Variants in ANKRD11 observed in about 807,000 individuals in gnomAD.
The protein encoded by ANKRD11 is ankyrin repeat domain-containing protein 11.
A neutral mutation model predicts 195.7 loss-of-function variants in ANKRD11; 17 were observed. The observed-to-expected ratio is 0.09, with a 90% confidence interval of 0.06 to 0.13. The LOEUF is 0.13. Ranked by LOEUF, ANKRD11 falls within the 10% of genes least tolerant of loss-of-function variation. The pLI, the probability that ANKRD11 is intolerant of heterozygous loss-of-function variation, is 1.00. For missense variants in ANKRD11, 3,735 were observed against 3,566.1 expected (o/e 1.05, Z -1.21); for synonymous variants, 1,953 against 1,528.1 (o/e 1.28, Z -6.49).
chr16:89,481,639 T>C (rs2057448803), intron 1 of ANKRD11, among the ~76,000 whole-genome samples: 2 of 152,162 alleles, frequency 1.3e-5, no homozygotes, highest in South Asian at 4.1e-4. Flanking sequence ...CTCTGACACA[T>C]CATCTTCTGC....
intron 2 of ANKRD11, among the ~76,000 whole-genome samples, chr16:89,327,167 C>T (rs1434909144): frequency 5.3e-5 from 8 of 152,132 alleles, no homozygotes. Flanking sequence ...AAGGCTGGCT[C>T]AACCATCAAT....
chr16:89,428,604 C>T (rs2042831839), intron 1 of ANKRD11, among the ~76,000 whole-genome samples: 1 of 151,186 alleles, frequency 6.6e-6, no homozygotes, highest in South Asian at 2.1e-4. Flanking sequence ...AAAAATACAC[C>T]ACTGTCATAG....
chr16:89,342,077 G>GGCCCACGGCAGGAGTGCTGCACCTCCA lies in ANKRD11; in HGVS notation c.-59-25000_-59-24999insTGGAGGTGCAGCACTCCTGCCGTGGGC, dbSNP rs1567674418. ...ACGGCGGGAGTGCTGCACCTCCACC[G>GGCCCACGGCAGGAGTGCTGCACCTCCA]CCCACAGCTCTGCTTCCCACCCTCC... On this transcript the variant is annotated intron_variant, in intron 2 of 12. Coordinates refer to ENST00000301030, the MANE Select transcript of ANKRD11 (RefSeq NM_013275.6). 5.0e-4 allele frequency among the ~76,000 whole-genome samples: 27 copies of GGCCCACGGCAGGAGTGCTGCACCTCCA among 53,774 alleles called. 5 individuals carry two copies. The East Asian group carries it at 7.7e-3, about 15-fold the overall frequency. 35.3% of individuals were successfully genotyped at this position (53,774 alleles called of 152,430 possible).
At chr16:89,350,841 A>G (rs1567685726) in intron 2 of ANKRD11, among the ~76,000 whole-genome samples, 1 of 152,210 alleles carries the variant, frequency 6.6e-6, no homozygotes, top group Non-Finnish European at 1.5e-5. Context: ...ATGTGCTACC[A>G]TAAGATGCTA....
At chr16:89,370,122 C>A (rs2040131088) in intron 2 of ANKRD11, among the ~76,000 whole-genome samples, 1 of 152,232 alleles carries the variant, frequency 6.6e-6, no homozygotes, top group Non-Finnish European at 1.5e-5. Context: ...TGCTGTTCAA[C>A]TGGAAAAGGA....
chr16:89,301,117 A>G (rs1186651241), intron 4 of ANKRD11, among the ~76,000 whole-genome samples: 1 of 152,036 alleles, frequency 6.6e-6, no homozygotes, highest in Non-Finnish European at 1.5e-5. Flanking sequence ...TATCTATTTT[A>G]TTTTTTATGG....
At position 89,281,628 on chromosome 16, in the gene ANKRD11, A is replaced by C; in HGVS notation, c.4914T>G (p.Pro1638=). 6.2e-7 allele frequency: 1 copy of C among 1,614,158 alleles called. No individual in the cohort carries two copies. Among genetic ancestry groups the C allele is most frequent in the Non-Finnish European group, 8.5e-7 (1 of 1,180,024 alleles). Residue 1638 remains proline, a synonymous_variant, in exon 9 of 13, where the codon CCT becomes CCG. Coordinates refer to ENST00000301030, the MANE Select transcript of ANKRD11 (RefSeq NM_013275.6). This position sits in a 1 kb window ranked among gnomAD's most constrained non-coding sequence, Gnocchi z 5.5. Reference sequence around the variant, plus strand: ...GGTCCAGCCCCGGCGGTTTCTTAGCAGGAATGTCCAGACCCTTCTTCCGCC... The same window carrying C: ...GGTCCAGCCCCGGCGGTTTCTTAGCCGGAATGTCCAGACCCTTCTTCCGCC... ...DDGRKKGLDI[P]AKKPPGLDPP... is the part of the protein sequence containing the mutation.
rs374764021 is a variant in ANKRD11, at chr16:89,274,892, G to A, written c.7635C>T (p.Ile2545=). 224 of 1,613,596 alleles carry A rather than the reference G, an allele frequency of 1.4e-4. No individual in the cohort carries two copies. The highest frequency in any genetic ancestry group is 1.7e-4 in the Non-Finnish European group (206 of 1,179,994). ...CGCTGAATGGCACTGCCTGGTTGGC[G>A]ATGGTCCTGGCCGCCCGGCAGTGAA... is the stretch of plus-strand genomic sequence containing the variant. ...LRVHCRAART[I]ANQAVPFSAC... is the part of the protein sequence containing the mutation. The change falls in exon 11 of 13, where the codon ATC becomes ATT. Residue 2545 remains isoleucine (I), a synonymous_variant. Transcript: ENST00000301030.
rs757243593 is a variant in ANKRD11, at chr16:89,283,311, T to C, written c.3231A>G (p.Lys1077=). Residue 1077 remains lysine (K), a synonymous_variant, in exon 9 of 13, where the codon AAA becomes AAG. Coordinates refer to ENST00000301030, the MANE Select transcript of ANKRD11 (RefSeq NM_013275.6). This position sits in a 1 kb window ranked among gnomAD's most constrained non-coding sequence, Gnocchi z 4.3. ...KDTHGKDKER[K]ASLDQGKEKK... Reference sequence around the variant, plus strand: ...TCTCTTTCCCTTGGTCGAGAGACGCTTTCCTTTCTTTGTCTTTGCCATGTG... The same window carrying C: ...TCTCTTTCCCTTGGTCGAGAGACGCCTTCCTTTCTTTGTCTTTGCCATGTG... 6.2e-7 allele frequency: 1 copy of C among 1,614,072 alleles called. No individual in the cohort carries two copies. Among genetic ancestry groups the C allele is most frequent in the Non-Finnish European group, 8.5e-7 (1 of 1,180,036 alleles).
chr16:89,373,651 G>T (rs1214641784), intron 2 of ANKRD11, among the ~76,000 whole-genome samples: 1 of 152,136 alleles, frequency 6.6e-6, no homozygotes, highest in Non-Finnish European at 1.5e-5. Flanking sequence ...TTTACTTCAC[G>T]AAATGAAAAC....
At chr16:89,447,536 C>T (rs545167935) in intron 1 of ANKRD11, among the ~76,000 whole-genome samples, 19 of 152,268 alleles carry the variant, frequency 1.2e-4, no homozygotes, top group Middle Eastern at 3.4e-3. Context: ...GATCCCCATC[C>T]GTGCACTCAC....
intron 1 of ANKRD11, among the ~76,000 whole-genome samples, chr16:89,424,589 G>C (rs2042642755): frequency 6.6e-6 from 1 of 152,122 alleles, no homozygotes; most frequent in African/African-American, 2.4e-5. Flanking sequence ...AGACCACTCA[G>C]CAACAAAACA....
intron 2 of ANKRD11, among the ~76,000 whole-genome samples, chr16:89,375,045 C>T (rs566141088): frequency 1.3e-5 from 2 of 152,176 alleles, no homozygotes; most frequent in East Asian, 3.9e-4. Flanking sequence ...TAAATACTTA[C>T]AGACTGTACA....
At chr16:89,326,083 T>G (rs1343727337) in intron 2 of ANKRD11, among the ~76,000 whole-genome samples, 1 of 152,186 alleles carries the variant, frequency 6.6e-6, no homozygotes, top group Non-Finnish European at 1.5e-5. Context: ...AATGCTTCTT[T>G]TACACAGAAG....
chr16:89,280,354 T>A lies in ANKRD11; in HGVS notation c.6188A>T (p.Glu2063Val). 1 of 1,572,274 alleles carries A rather than the reference T, an allele frequency of 6.4e-7. No individual in the cohort carries two copies. The highest frequency in any genetic ancestry group is 8.6e-7 in the Non-Finnish European group (1 of 1,159,400). ...TGACTTGCAGTTGCTGAAGAAGGAC[T>A]CCAGCCCGGAGGGAGGGGCGTAGGG... ...AAPYAPPSGL[E>V]SFFSNCKSLP... Residue 2063 changes from glutamate (E) to valine (V), a missense_variant, in exon 9 of 13, where the codon GAG (glutamate) becomes GTG (valine). Glu to Val is a moderately radical substitution (Grantham distance 121). Coordinates refer to ENST00000301030, the MANE Select transcript of ANKRD11 (RefSeq NM_013275.6).
At chr16:89,304,896 G>C (rs1427050525) in intron 4 of ANKRD11, among the ~76,000 whole-genome samples, 1 of 152,244 alleles carries the variant, frequency 6.6e-6, no homozygotes. Flanking sequence ...GTGTCCAGCT[G>C]TCAGAAGACC....
Position 89,479,709 on chromosome 16 carries a change from C to T in ANKRD11, c.-145+10536G>A, listed in dbSNP as rs534367242. Among the ~76,000 whole-genome samples, 5 of 151,870 alleles carry T rather than the reference C, an allele frequency of 3.3e-5. No homozygotes were observed. The South Asian group carries it at 6.2e-4, about 19-fold the overall frequency. On this transcript the variant is annotated intron_variant, in intron 1 of 12. Transcript: ENST00000301030. ...CCTGTAATCCCAGCACTTTGGGAGG[C>T]CGAGGGGGCGGATCACGAGTTCAGG...
Position 89,291,763 on chromosome 16 carries a change from C to G in ANKRD11, c.227-580G>C. ...CAGCCTTGCAGCACCACAACAGGGA[C>G]TGGGCTGGAGGCATCTGAAGGCATC... On this transcript the variant is annotated intron_variant, in intron 4 of 12. Transcript: ENST00000301030. This position sits in a 1 kb window ranked among gnomAD's most constrained non-coding sequence, Gnocchi z 5.3. 1 of 1,289,826 alleles carries G rather than the reference C, an allele frequency of 7.8e-7. No individual in the cohort carries two copies. Among genetic ancestry groups the G allele is most frequent in the Non-Finnish European group, 1.0e-6 (1 of 988,874 alleles). 79.9% of individuals were successfully genotyped at this position (1,289,826 alleles called of 1,614,324 possible).
At chr16:89,413,942 CA>C (rs2042197034) in intron 2 of ANKRD11, among the ~76,000 whole-genome samples, 1 of 152,152 alleles carries the variant, frequency 6.6e-6, no homozygotes, top group Non-Finnish European at 1.5e-5. Flanking sequence ...CCTGGCCACC[CA>C]GACAGGGACC....
Sources: gnomAD v4.1 joint callset for allele counts (sites outside exome capture counted in the v4.1 genomes callset) on GRCh38, gnomAD v4.1.1 for gene constraint, Gnocchi (gnomAD v3.1) non-coding constraint, MANE v1.5 for transcripts, NCBI Gene and HGNC (gene_info 2026-07-23, HGNC 2026-07-21) for gene names.